The following KIAA0232 variants were observed in gnomAD, a reference collection of about 807,000 sequenced individuals.
KIAA0232 encodes KIAA0232.
In KIAA0232, 27 loss-of-function variants were observed where a neutral mutation model predicts 122.0. The ratio of observed to expected loss-of-function variants is 0.22; its 90% CI spans 0.16 to 0.31. KIAA0232 has a LOEUF of 0.31. Ranked by LOEUF, KIAA0232 falls within the 10% of genes least tolerant of loss-of-function variation. KIAA0232 has a pLI of 1.00. For missense variants in KIAA0232, 1,551 were observed against 1,634.2 expected, an observed-to-expected ratio of 0.95 and a Z score of 0.88; for synonymous variants, 613 against 587.6, an observed-to-expected ratio of 1.04 and a Z score of -0.63.
chr4:6,796,177 G>A (rs1014311829), intron 1 of KIAA0232, among the ~76,000 whole-genome samples: 4 of 152,098 alleles, frequency 2.6e-5, no homozygotes, highest in African/African-American at 7.2e-5. Flanking sequence ...TTGGTTATTC[G>A]TAGAAGTGAA....
intron 4 of KIAA0232, among the ~76,000 whole-genome samples, chr4:6,852,996 C>G (rs532216715): frequency 7.9e-4 from 121 of 152,332 alleles, no homozygotes; most frequent in African/African-American, 2.7e-3. Context: ...GAGTAACAGC[C>G]TTTCCTCTGA....
rs765728942 is a variant in KIAA0232 at position 6,871,580 on chromosome 4, G to C, written c.3808G>C (p.Val1270Leu). The change falls in exon 8 of 10, where the codon GTA becomes CTA. Residue 1270 changes from valine to leucine, a missense_variant. Physicochemically the swap from Val to Leu is conservative, Grantham distance 32. Transcript: ENST00000307659. ...VSSGQLEEFP[V>L]LNTDIQGMNR... ...TTTGGTTTAATCTAAACAGTTCCCT[G>C]TATTGAACACTGATATACAAGGAAT... 6.9e-6 allele frequency: 11 copies of C among 1,587,920 alleles called. No individual in the cohort carries two copies. The highest frequency in any genetic ancestry group is 9.5e-6 in the Non-Finnish European group (11 of 1,157,278).
At chr4:6,826,026 T>C (rs934285124) in intron 3 of KIAA0232, among the ~76,000 whole-genome samples, 2 of 152,140 alleles carry the variant, frequency 1.3e-5, no homozygotes, top group Admixed American at 6.5e-5. Context: ...CATAGCTCAC[T>C]GAAGCCTTGA....
chr4:6,862,719 A>G lies in KIAA0232; in HGVS notation c.2337A>G (p.Thr779=). 2 of 1,610,794 alleles carry G rather than the reference A, an allele frequency of 1.2e-6. No individual in the cohort carries two copies. Among genetic ancestry groups the G allele is most frequent in the Non-Finnish European group, 1.7e-6 (2 of 1,179,254 alleles). ...GTAGAACTTTAGGTGAGATTCCTAC[A>G]TTAGTTTTCAAAAAAACATCTAAAC... is the stretch of plus-strand genomic sequence containing the variant. ...QNSRTLGEIP[T]LVFKKTSKLE... Residue 779 remains threonine, a synonymous_variant, in exon 7 of 10, where the codon ACA becomes ACG. Coordinates refer to ENST00000307659, the MANE Select transcript of KIAA0232 (RefSeq NM_014743.3).
chr4:6,867,660 G>C (rs1367480816), intron 7 of KIAA0232, among the ~76,000 whole-genome samples: 1 of 152,222 alleles, frequency 6.6e-6, no homozygotes, highest in African/African-American at 2.4e-5. Context: ...GGTCTGGAGG[G>C]ACAGGAAGGC....
rs1215179985 is a variant in KIAA0232, at chr4:6,861,223, G to A, written c.841G>A (p.Gly281Arg). The A allele has an allele frequency of 6.2e-7, 1 of 1,614,106 alleles. No individual in the cohort carries two copies. Among genetic ancestry groups the A allele is most frequent in the Non-Finnish European group, 8.5e-7 (1 of 1,180,046 alleles). ...AAAGCAAATCCGACATAAACCTGAA[G>A]GAAAGATTCGCCCTCGCTCGTGGTC... ...YKKQIRHKPEGKIRPRSWSSG... is the reference protein window; with the variant it reads ...YKKQIRHKPERKIRPRSWSSG... The change falls in exon 7 of 10, where the codon GGA becomes AGA. Residue 281 changes from glycine (G) to arginine (R), a missense_variant. Gly to Arg is a moderately radical substitution (Grantham distance 125). Transcript: ENST00000307659.
intron 3 of KIAA0232, among the ~76,000 whole-genome samples, chr4:6,837,757 A>C (rs1719400734): frequency 6.6e-6 from 1 of 152,204 alleles, no homozygotes; most frequent in Non-Finnish European, 1.5e-5. Flanking sequence ...ACCAAAAAAT[A>C]CAAAAACCAG....
intron 8 of KIAA0232, among the ~76,000 whole-genome samples, chr4:6,876,149 T>C (rs988478125): frequency 6.6e-6 from 1 of 152,234 alleles, no homozygotes; most frequent in African/African-American, 2.4e-5. Flanking sequence ...ATGTGATACA[T>C]GGTTCAGTAT....
At chr4:6,796,378 A>C (rs759946252) in intron 1 of KIAA0232, among the ~76,000 whole-genome samples, 75 of 152,042 alleles carry the variant, frequency 4.9e-4, no homozygotes, top group Non-Finnish European at 7.2e-4. Flanking sequence ...AGTCACTGGG[A>C]CTACAGGTGT....
At chr4:6,813,602 TC>T (rs1207717509) in intron 2 of KIAA0232, among the ~76,000 whole-genome samples, 2 of 152,068 alleles carry the variant, frequency 1.3e-5, no homozygotes, top group Non-Finnish European at 2.9e-5. Context: ...GACCTTGTGA[TC>T]CGCCCGCCTC....
At chr4:6,829,363 A>G (rs941622894) in intron 3 of KIAA0232, among the ~76,000 whole-genome samples, 21 of 152,280 alleles carry the variant, frequency 1.4e-4, no homozygotes, top group African/African-American at 5.1e-4. Flanking sequence ...GGAGACTTTG[A>G]TACTTTTACC....
At chr4:6,821,186 A>C (rs1022707319) in intron 2 of KIAA0232, among the ~76,000 whole-genome samples, 4 of 152,174 alleles carry the variant, frequency 2.6e-5, no homozygotes, top group Non-Finnish European at 5.9e-5. Context: ...CATTTGTTTC[A>C]CTTTCATTTT....
At chr4:6,790,491 C>T (rs555998340) in intron 1 of KIAA0232, among the ~76,000 whole-genome samples, 97 of 148,940 alleles carry the variant, frequency 6.5e-4, no homozygotes, top group African/African-American at 2.3e-3. Flanking sequence ...ACCTCCTGGG[C>T]TCAAGTGATC....
intron 4 of KIAA0232, among the ~76,000 whole-genome samples, chr4:6,848,637 AG>A (rs1164649377): frequency 1.3e-5 from 2 of 152,188 alleles, no homozygotes; most frequent in Non-Finnish European, 2.9e-5. Flanking sequence ...TGGTATCCTC[AG>A]GGGGTCCTGG....
chr4:6,798,260 T>A (rs1163603019), intron 1 of KIAA0232, among the ~76,000 whole-genome samples: 2 of 152,156 alleles, frequency 1.3e-5, no homozygotes, highest in Non-Finnish European at 2.9e-5. Context: ...AGCTTATGCT[T>A]TTTCATGTTG....
intron 7 of KIAA0232, among the ~76,000 whole-genome samples, chr4:6,870,515 C>A (rs575329744): frequency 6.6e-6 from 1 of 152,218 alleles, no homozygotes; most frequent in Non-Finnish European, 1.5e-5. Flanking sequence ...ATAAGAATTT[C>A]CTTTGGGCCA....
At chr4:6,814,136 A>G (rs1418620833) in intron 2 of KIAA0232, among the ~76,000 whole-genome samples, 1 of 152,188 alleles carries the variant, frequency 6.6e-6, no homozygotes, top group Non-Finnish European at 1.5e-5. Context: ...GGGATAACGT[A>G]GTTTAAATGT....
chr4:6,813,474 TGCCTCA>T (rs1054548696), intron 2 of KIAA0232, among the ~76,000 whole-genome samples: 41 of 152,006 alleles, frequency 2.7e-4, no homozygotes, highest in Non-Finnish European at 4.9e-4. Context: ...GCCATTCTAC[TGCCTCA>T]GCCTCCCGAG....
At chr4:6,847,155 CATT>C (rs911907107) in intron 4 of KIAA0232, among the ~76,000 whole-genome samples, 8 of 149,486 alleles carry the variant, frequency 5.4e-5, no homozygotes, top group Admixed American at 2.0e-4. Context: ...ATTATTTTCT[CATT>C]ATGTGTGTGG....
Sources: gnomAD v4.1 joint callset for allele counts (sites outside exome capture counted in the v4.1 genomes callset) on GRCh38, gnomAD v4.1.1 for gene constraint, MANE v1.5 for transcripts, NCBI Gene and HGNC (gene_info 2026-07-23, HGNC 2026-07-21) for gene names.